COL6A5: variants seen among roughly 807,000 people sequenced by gnomAD.
The protein encoded by COL6A5 is collagen type VI alpha 5 chain.
COL6A5 carries 48 observed loss-of-function variants against 65.6 expected under a neutral mutation model. That is an observed-to-expected ratio of 0.73 (90% CI 0.58 to 0.93). The LOEUF (loss-of-function observed/expected upper bound fraction) is 0.93. Ranked by LOEUF, COL6A5 falls within the 40% of genes least tolerant of loss-of-function variation. The pLI, the probability that COL6A5 is intolerant of heterozygous loss-of-function variation, is 0.00. For missense variants in COL6A5, 914 were observed against 928.3 expected, an observed-to-expected ratio of 0.98 and a Z score of 0.20; for synonymous variants, 291 against 322.8, an observed-to-expected ratio of 0.90 and a Z score of 1.05.
At chr3:130,445,094 T>A (rs1347405128) in intron 4 of COL6A5, among the ~76,000 whole-genome samples, 1 of 152,234 alleles carries the variant, frequency 6.6e-6, no homozygotes, top group Non-Finnish European at 1.5e-5. Flanking sequence ...TGGGTGGAAT[T>A]GGCTTGCCAA....
chr3:130,431,188 T>G (rs965691743), upstream of COL6A5: 2 of 677,570 alleles, frequency 3.0e-6, no homozygotes, highest in African/African-American at 3.5e-5. Flanking sequence ...GCTCAAGAAC[T>G]CCCACCAATT....
chr3:130,441,835 T>C (rs753984976), intron 3 of COL6A5, among the ~76,000 whole-genome samples: 9 of 152,194 alleles, frequency 5.9e-5, no homozygotes, highest in Admixed American at 6.5e-5. Flanking sequence ...ATAACACTGA[T>C]GTTGAGAAAC....
At chr3:130,414,257 A>G (rs1235960485) in intron 22 of COL6A5, 126 bp downstream of exon 22, 22 of 743,194 alleles carry the variant, frequency 3.0e-5, no homozygotes, top group East Asian at 2.2e-4. Flanking sequence ...TGCATTCCCT[A>G]TCATGGGGTG....
chr3:130,397,631 A>G (rs1443799086), exon 9 of COL6A5: 9 of 1,551,478 alleles, frequency 5.8e-6, no homozygotes, highest in Non-Finnish European at 7.8e-6. Context: ...ACTCATGTGC[A>G]GGGGCAGCCT....
At chr3:130,460,845 G>C (rs764676517) in intron 5 of COL6A5, among the ~76,000 whole-genome samples, 7 of 151,594 alleles carry the variant, frequency 4.6e-5, no homozygotes, top group Non-Finnish European at 8.8e-5. Context: ...GTGAGGAGGT[G>C]ATAGTAATGA....
chr3:130,410,725 C>T (rs1937146692), intron 20 of COL6A5, among the ~76,000 whole-genome samples: 2 of 152,168 alleles, frequency 1.3e-5, no homozygotes, highest in African/African-American at 4.8e-5. Context: ...TGTTTTGCAG[C>T]ATCCCTGGTC....
At chr3:130,397,068 C>T (rs1936627640) in intron 8 of COL6A5, among the ~76,000 whole-genome samples, 1 of 152,008 alleles carries the variant, frequency 6.6e-6, no homozygotes, top group South Asian at 2.1e-4. Context: ...GGGGTTTCAC[C>T]GTGTTAGCCA....
chr3:130,477,259 CA>C, intron 7 of COL6A5: 1 of 565,816 alleles, frequency 1.8e-6, no homozygotes. Flanking sequence ...GGAATATAAT[CA>C]ACTAGTATTA....
exon 6 of COL6A5, chr3:130,388,882 A>G: frequency 6.5e-7 from 1 of 1,550,252 alleles, no homozygotes; most frequent in Non-Finnish European, 8.7e-7. Context: ...CACCCACTCC[A>G]AGGGGGCCCG....
intron 4 of COL6A5, among the ~76,000 whole-genome samples, chr3:130,381,948 C>A (rs1936009722): frequency 6.6e-6 from 1 of 152,004 alleles, no homozygotes; most frequent in Non-Finnish European, 1.5e-5. Context: ...CACTATGTAA[C>A]TCCTTAGTAA....
intron 12 of COL6A5, 98 bp from the exon 13 acceptor site, chr3:130,403,511 T>C: frequency 1.0e-6 from 1 of 1,005,014 alleles, no homozygotes; most frequent in Non-Finnish European, 1.5e-6. Context: ...TGCAACCAAG[T>C]TGGAGGAAGG....
intron 4 of COL6A5, among the ~76,000 whole-genome samples, chr3:130,443,810 G>T (rs913953481): frequency 6.6e-6 from 1 of 151,952 alleles, no homozygotes; most frequent in African/African-American, 2.4e-5. Flanking sequence ...TTCCTGTATT[G>T]AAATTTACCC....
chr3:130,383,152 A>C (rs1229150859), intron 4 of COL6A5, among the ~76,000 whole-genome samples: 2 of 152,120 alleles, frequency 1.3e-5, no homozygotes, highest in Non-Finnish European at 2.9e-5. Flanking sequence ...ATTCTTTGGC[A>C]GTGTTTAATT....
intron 7 of COL6A5, among the ~76,000 whole-genome samples, chr3:130,475,527 C>A (rs1046557770): frequency 8.4e-6 from 1 of 118,416 alleles, no homozygotes; most frequent in Non-Finnish European, 2.0e-5. Flanking sequence ...ATAAAGATAT[C>A]CCTCTCCCTC....
intron 7 of COL6A5, among the ~76,000 whole-genome samples, 197 bp from the exon 40 acceptor site, chr3:130,471,485 C>T (rs1709951351): frequency 1.3e-5 from 2 of 152,064 alleles, no homozygotes; most frequent in African/African-American, 4.8e-5. Context: ...GAATTCTAAA[C>T]TGCGGAGACA....
intron 1 of COL6A5, among the ~76,000 whole-genome samples, chr3:130,350,592 C>T (rs140056671): frequency 6.5e-4 from 99 of 152,278 alleles, no homozygotes; most frequent in African/African-American, 2.2e-3. Flanking sequence ...ACCTAGGTAT[C>T]CAACTTACAA....
chr3:130,395,177 A>G (rs1316512746), exon 8 of COL6A5: 4 of 1,551,566 alleles, frequency 2.6e-6, no homozygotes, highest in Non-Finnish European at 3.5e-6. Flanking sequence ...AGTGAGCAAT[A>G]TGTTTAATCT....
chr3:130,479,398 A>G (rs1710180346), intron 7 of COL6A5, among the ~76,000 whole-genome samples: 1 of 150,542 alleles, frequency 6.6e-6, no homozygotes, highest in African/African-American at 2.4e-5. Flanking sequence ...TAAAACAGAG[A>G]GCAAGCATTC....
chr3:130,403,581 A>G lies in COL6A5; in HGVS notation c.4228-28A>G, dbSNP rs1272714457. ...TGACTTTATTGGGGGGGGGTGACTA[A>G]AATGTATTGTTCTCTCTTTCTTCCC... On this transcript the variant is annotated intron_variant and NMD_transcript_variant, in intron 12 of 41. Coordinates refer to the COL6A5 transcript ENST00000312481. 9 of 1,545,510 alleles carry G rather than the reference A, an allele frequency of 5.8e-6. No individual in the cohort carries two copies. In the South Asian group the frequency reaches 7.2e-5, roughly 12 times the overall value.
Sources: allele counts gnomAD v4.1 joint callset (sites outside exome capture counted in the v4.1 genomes callset), GRCh38; gene constraint gnomAD v4.1.1; transcripts MANE v1.5; gene names NCBI Gene and HGNC (gene_info 2026-07-23, HGNC 2026-07-21).